The following SEMA5A variants were observed in gnomAD, a reference collection of about 807,000 sequenced individuals.
SEMA5A encodes the protein semaphorin 5A.
A neutral mutation model predicts 135.5 loss-of-function variants in SEMA5A; 55 were observed. The observed-to-expected ratio is 0.41, with a 90% CI of 0.33 to 0.51. SEMA5A has a LOEUF of 0.51. Ranked by LOEUF, SEMA5A falls within the 20% of genes least tolerant of loss-of-function variation. The pLI is 0.37. For synonymous variants in SEMA5A, 580 were observed against 546.5 expected (o/e 1.06, Z -0.85); for missense variants, 1,290 against 1,419.9 (o/e 0.91, Z 1.47).
At position 9,350,322 on chromosome 5, in the gene SEMA5A, A is replaced by G. The variant is rs13190568; in HGVS notation, c.125-12510T>C. ...AACTTTTTTCTCGGGAACCGTATTC[A>G]TAAGTGAGTAGTTTAATAATGGGTT... On this transcript the variant is annotated intron_variant, in intron 3 of 22. Coordinates refer to ENST00000382496, the MANE Select transcript of SEMA5A (RefSeq NM_003966.3). Among the ~76,000 whole-genome samples, 632 of 152,338 alleles carry G rather than the reference A, an allele frequency of 4.1e-3. 3 individuals carry two copies. Among genetic ancestry groups the G allele is most frequent in the Non-Finnish European group, 7.3e-3 (498 of 68,028 alleles).
chr5:9,256,062 G>A (rs114651114), intron 5 of SEMA5A, among the ~76,000 whole-genome samples: 1,533 of 152,184 alleles, frequency 0.01, 18 homozygotes, highest in African/African-American at 0.031. Flanking sequence ...TTCCAAATGC[G>A]TCCATTTCTC....
At chr5:9,117,725 C>T (rs1267988724) in intron 15 of SEMA5A, among the ~76,000 whole-genome samples, 1 of 152,178 alleles carries the variant, frequency 6.6e-6, no homozygotes, top group Non-Finnish European at 1.5e-5. Flanking sequence ...AATGTTCAAC[C>T]TGTCCTAGGT....
intron 13 of SEMA5A, among the ~76,000 whole-genome samples, chr5:9,129,994 C>T (rs1213291587): frequency 6.6e-6 from 1 of 152,166 alleles, no homozygotes; most frequent in Non-Finnish European, 1.5e-5. Context: ...TTTGGTGAGA[C>T]TCTCAAAGAA....
intron 8 of SEMA5A, among the ~76,000 whole-genome samples, chr5:9,206,064 T>A (rs895198549): frequency 6.6e-6 from 1 of 152,188 alleles, no homozygotes. Flanking sequence ...ATTATTTAAG[T>A]TCTGTCTTTT....
intron 16 of SEMA5A, among the ~76,000 whole-genome samples, chr5:9,106,429 T>A (rs1157516936): frequency 1.3e-5 from 2 of 152,270 alleles, no homozygotes; most frequent in Non-Finnish European, 1.5e-5. Context: ...TTTTATTCAT[T>A]AAGCTATATT....
At chr5:9,452,061 C>T (rs975300769) in intron 1 of SEMA5A, among the ~76,000 whole-genome samples, 2 of 152,200 alleles carry the variant, frequency 1.3e-5, no homozygotes, top group Non-Finnish European at 2.9e-5. Flanking sequence ...TCCTTTCACC[C>T]ACTTCCTTCA....
intron 10 of SEMA5A, among the ~76,000 whole-genome samples, chr5:9,190,898 T>C (rs1049359526): frequency 1.3e-5 from 2 of 152,214 alleles, no homozygotes; most frequent in African/African-American, 4.8e-5. Context: ...TATTAGTTTT[T>C]CTACTGCAGC....
At chr5:9,114,433 A>G (rs1238633555) in intron 15 of SEMA5A, among the ~76,000 whole-genome samples, 4 of 152,236 alleles carry the variant, frequency 2.6e-5, no homozygotes, top group African/African-American at 7.2e-5. Flanking sequence ...TTACACACTT[A>G]TAAATGATTA....
chr5:9,433,576 C>G (rs1021947754), intron 2 of SEMA5A, among the ~76,000 whole-genome samples: 5 of 151,704 alleles, frequency 3.3e-5, no homozygotes, highest in African/African-American at 4.8e-5. Flanking sequence ...CTCTGTCTCT[C>G]TCTTTCTCTC....
At chr5:9,056,496 C>T (rs772915573) in intron 18 of SEMA5A, among the ~76,000 whole-genome samples, 9 of 152,138 alleles carry the variant, frequency 5.9e-5, no homozygotes, top group South Asian at 2.1e-4. Context: ...CCAAGACAGG[C>T]GGATCACCTG....
intron 16 of SEMA5A, among the ~76,000 whole-genome samples, chr5:9,084,555 G>A (rs1411436356): frequency 1.3e-5 from 2 of 152,142 alleles, no homozygotes; most frequent in African/African-American, 4.8e-5. Flanking sequence ...TTCCCTGCAT[G>A]AGCCCTCTTC....
intron 11 of SEMA5A, among the ~76,000 whole-genome samples, chr5:9,162,365 A>G: frequency 6.7e-6 from 1 of 150,228 alleles, no homozygotes; most frequent in African/African-American, 2.5e-5. Flanking sequence ...GGTATATAGC[A>G]TGATGTTCAA....
intron 2 of SEMA5A, among the ~76,000 whole-genome samples, chr5:9,393,230 A>G (rs1472257055): frequency 6.6e-6 from 1 of 152,244 alleles, no homozygotes; most frequent in Non-Finnish European, 1.5e-5. Context: ...TACAAAAATG[A>G]TCCCATCCTA....
At chr5:9,431,593 A>G (rs1054358324) in intron 2 of SEMA5A, among the ~76,000 whole-genome samples, 1 of 152,120 alleles carries the variant, frequency 6.6e-6, no homozygotes, top group Admixed American at 6.5e-5. Context: ...CCCTGCAGCT[A>G]TAGAGGCCTC....
intron 3 of SEMA5A, among the ~76,000 whole-genome samples, chr5:9,364,236 T>C (rs1360909133): frequency 6.6e-6 from 1 of 152,218 alleles, no homozygotes; most frequent in African/African-American, 2.4e-5. Flanking sequence ...AAAATCTGAA[T>C]TAAATCAGAG....
intron 1 of SEMA5A, among the ~76,000 whole-genome samples, chr5:9,525,082 T>A (rs768516615): frequency 3.3e-5 from 5 of 152,228 alleles, no homozygotes; most frequent in Non-Finnish European, 7.3e-5. Context: ...AGCTATTTCA[T>A]ATGGTTTAGG....
At chr5:9,373,592 G>T (rs1384159364) in intron 3 of SEMA5A, among the ~76,000 whole-genome samples, 1 of 152,206 alleles carries the variant, frequency 6.6e-6, no homozygotes, top group African/African-American at 2.4e-5. Context: ...CCATAAGTAG[G>T]AGGACACTCT....
intron 5 of SEMA5A, among the ~76,000 whole-genome samples, chr5:9,275,156 A>G (rs1281004721): frequency 1.3e-5 from 2 of 152,142 alleles, no homozygotes; most frequent in African/African-American, 2.4e-5. Flanking sequence ...GTATATCACT[A>G]CCGATCCCAC....
intron 2 of SEMA5A, among the ~76,000 whole-genome samples, chr5:9,423,175 C>T (rs1381827890): frequency 1.3e-5 from 2 of 152,130 alleles, no homozygotes; most frequent in Non-Finnish European, 2.9e-5. Flanking sequence ...AGGCTGACTT[C>T]CGACCACCTG....
Sources: gnomAD v4.1 joint callset for allele counts (sites outside exome capture counted in the v4.1 genomes callset) on GRCh38, gnomAD v4.1.1 for gene constraint, MANE v1.5 for transcripts, NCBI Gene and HGNC (gene_info 2026-07-23, HGNC 2026-07-21) for gene names.